The following PDE10A variants were observed in gnomAD, a reference collection of about 807,000 sequenced individuals.
PDE10A encodes phosphodiesterase 10A, also known as cAMP and cAMP-inhibited cGMP 3',5'-cyclic phosphodiesterase 10A.
PDE10A carries 39 observed loss-of-function variants against 97.7 expected under a neutral mutation model. The ratio of observed to expected loss-of-function variants is 0.40; its 90% CI spans 0.31 to 0.52. The LOEUF (loss-of-function observed/expected upper bound fraction) is 0.52. PDE10A is among the 20% of genes least tolerant of loss of function. PDE10A has a pLI of 0.56. For synonymous variants in PDE10A, 371 were observed against 376.8 expected (o/e 0.98, Z 0.18); for missense variants, 731 against 1,047.8 (o/e 0.70, Z 4.17).
At chr6:165,879,286 A>G (rs1781417386) in intron 1 of PDE10A, among the ~76,000 whole-genome samples, 1 of 152,216 alleles carries the variant, frequency 6.6e-6, no homozygotes, top group Non-Finnish European at 1.5e-5. Context: ...GAATTTTATC[A>G]AATTTGCTAA....
chr6:165,533,325 C>A (rs1418258316), intron 2 of PDE10A, among the ~76,000 whole-genome samples: 1 of 152,068 alleles, frequency 6.6e-6, no homozygotes, highest in African/African-American at 2.4e-5. Flanking sequence ...GTGACTTGCA[C>A]AAACCTAGAT....
chr6:165,703,083 C>T (rs533966524), intron 1 of PDE10A, among the ~76,000 whole-genome samples: 4 of 152,300 alleles, frequency 2.6e-5, no homozygotes, highest in African/African-American at 7.2e-5. Flanking sequence ...AACAAACTGC[C>T]TTTGGAGACG....
intron 1 of PDE10A, among the ~76,000 whole-genome samples, chr6:165,766,556 GT>G (rs1318714792): frequency 6.6e-6 from 1 of 152,220 alleles, no homozygotes; most frequent in East Asian, 1.9e-4. Context: ...CCGTGGGATT[GT>G]TTTGCTTTTG....
At chr6:165,690,953 C>G (rs997439040) in intron 1 of PDE10A, among the ~76,000 whole-genome samples, 10 of 152,170 alleles carry the variant, frequency 6.6e-5, no homozygotes, top group African/African-American at 2.4e-4. Context: ...AGCCTCCAGA[C>G]TTGGACTGGA....
intron 3 of PDE10A, among the ~76,000 whole-genome samples, chr6:165,473,627 GA>G (rs5881650): frequency 0.7 from 105,798 of 151,870 alleles, 37,392 homozygotes; most frequent in African/African-American, 0.81. Context: ...TAAGTGGAGA[GA>G]AAAAAAATGT....
chr6:165,829,877 G>A (rs1339787518), intron 1 of PDE10A, among the ~76,000 whole-genome samples: 1 of 152,156 alleles, frequency 6.6e-6, no homozygotes, highest in Non-Finnish European at 1.5e-5. Context: ...TAACACCAGG[G>A]CTGCCAGGGA....
intron 1 of PDE10A, among the ~76,000 whole-genome samples, chr6:165,723,143 G>A (rs964189365): frequency 2.2e-4 from 33 of 151,976 alleles, no homozygotes; most frequent in African/African-American, 7.7e-4. Context: ...CAAACACACC[G>A]CTGATCATCT....
intron 1 of PDE10A, among the ~76,000 whole-genome samples, chr6:165,647,093 A>C (rs2128423157): frequency 6.6e-6 from 1 of 152,336 alleles, no homozygotes; most frequent in South Asian, 2.1e-4. Context: ...GTTAGAGTAA[A>C]TTAAATTACA....
intron 1 of PDE10A, among the ~76,000 whole-genome samples, chr6:165,912,317 A>ATCT (rs1782486290): frequency 1.3e-5 from 2 of 152,274 alleles, no homozygotes; most frequent in South Asian, 4.1e-4. Context: ...TTGTGAAGGC[A>ATCT]TCTACTCACA....
intron 1 of PDE10A, among the ~76,000 whole-genome samples, chr6:165,845,180 G>A (rs1780379183): frequency 6.6e-6 from 1 of 152,224 alleles, no homozygotes; most frequent in Non-Finnish European, 1.5e-5. Context: ...GGGCATGTGT[G>A]TGATGAAAAA....
intron 1 of PDE10A, among the ~76,000 whole-genome samples, chr6:165,815,881 C>T (rs949909855): frequency 8.5e-5 from 13 of 152,248 alleles, no homozygotes; most frequent in African/African-American, 3.1e-4. Flanking sequence ...AAACCTGAGT[C>T]CCTGCAACTG....
At chr6:165,467,768 T>A (rs1235158263) in intron 3 of PDE10A, among the ~76,000 whole-genome samples, 1 of 152,200 alleles carries the variant, frequency 6.6e-6, no homozygotes, top group Non-Finnish European at 1.5e-5. Flanking sequence ...TCTATAAACT[T>A]AGTTGATAAG....
intron 12 of PDE10A, 69 bp downstream of exon 12, chr6:165,416,120 G>A: frequency 9.9e-7 from 1 of 1,009,518 alleles, no homozygotes; most frequent in African/African-American, 1.6e-5. Context: ...AGGCTCCACG[G>A]AAGAGGTTTC....
intron 2 of PDE10A, among the ~76,000 whole-genome samples, chr6:165,539,049 A>G (rs935979411): frequency 6.6e-6 from 1 of 152,156 alleles, no homozygotes; most frequent in Non-Finnish European, 1.5e-5. Flanking sequence ...CTTCGAAGCT[A>G]TATTTTCTTC....
intron 1 of PDE10A, among the ~76,000 whole-genome samples, chr6:165,581,845 C>T (rs2128355807): frequency 1.3e-5 from 2 of 152,294 alleles, no homozygotes; most frequent in South Asian, 4.1e-4. Flanking sequence ...GACTATGAAT[C>T]AGTCAGTTGT....
chr6:165,465,531 C>T (rs185141209), intron 3 of PDE10A, among the ~76,000 whole-genome samples: 52 of 152,284 alleles, frequency 3.4e-4, no homozygotes, highest in Admixed American at 2.7e-3. Context: ...CCTTCTCACG[C>T]TGCTATGAAG....
At chr6:165,798,968 A>G (rs1037847826) in intron 1 of PDE10A, among the ~76,000 whole-genome samples, 6 of 152,246 alleles carry the variant, frequency 3.9e-5, no homozygotes, top group Non-Finnish European at 8.8e-5. Flanking sequence ...TTGGCCTCCC[A>G]AAGTGCTGGG....
chr6:165,826,484 C>T lies in PDE10A; in HGVS notation c.-615+161045G>A, dbSNP rs571596478. ...CTGTCCCCATGTCCACCTGTCCCCA[C>T]GTCCCTCTGTCCCTGTGTCCCTCTG... On this transcript the variant is annotated intron_variant, in intron 1 of 19. Coordinates refer to the PDE10A transcript ENST00000366882. 5.3e-5 allele frequency among the ~76,000 whole-genome samples: 8 copies of T among 150,252 alleles called. No individual in the cohort carries two copies. The East Asian group carries it at 5.9e-4, about 11-fold the overall frequency.
intron 1 of PDE10A, among the ~76,000 whole-genome samples, chr6:165,830,035 T>C (rs1207432513): frequency 6.6e-6 from 1 of 152,156 alleles, no homozygotes. Context: ...AGATAACCCC[T>C]CAAATATTCT....
Sources: gnomAD v4.1 joint callset for allele counts (sites outside exome capture counted in the v4.1 genomes callset) on GRCh38, gnomAD v4.1.1 for gene constraint, MANE v1.5 for transcripts, NCBI Gene and HGNC (gene_info 2026-07-23, HGNC 2026-07-21) for gene names.